Variants in SHISA6 observed in about 807,000 individuals in gnomAD.
SHISA6 encodes shisa family member 6, also known as protein shisa-6.
SHISA6 carries 22 observed loss-of-function variants against 47.9 expected under a neutral mutation model. That is an observed-to-expected ratio of 0.46 (90% CI 0.33 to 0.66). The LOEUF (loss-of-function observed/expected upper bound fraction) is 0.66, where lower values mean the gene tolerates loss of function less well. Ranked by LOEUF, SHISA6 falls within the 30% of genes least tolerant of loss-of-function variation. The probability of loss-of-function intolerance (pLI) is 0.02; values close to 1 mark genes in which losing one functional copy is unlikely to be tolerated. For missense variants in SHISA6, 680 were observed against 764.6 expected, an observed-to-expected ratio of 0.89 and a Z score of 1.30; for synonymous variants, 388 against 337.8, an observed-to-expected ratio of 1.15 and a Z score of -1.63.
At chr17:11,297,761 T>A (rs185990665) in intron 2 of SHISA6, among the ~76,000 whole-genome samples, 3 of 152,310 alleles carry the variant, frequency 2.0e-5, no homozygotes, top group Non-Finnish European at 4.4e-5. Flanking sequence ...AGTGTAGCAG[T>A]ATCTTGTGGT....
At chr17:11,465,451 G>A (rs1915786521) in intron 3 of SHISA6, among the ~76,000 whole-genome samples, 1 of 152,058 alleles carries the variant, frequency 6.6e-6, no homozygotes, top group African/African-American at 2.4e-5. Flanking sequence ...CTGCTGGTCT[G>A]GAGTGCAGTG....
At chr17:11,372,245 T>C (rs1233693375) in intron 2 of SHISA6, among the ~76,000 whole-genome samples, 1 of 152,166 alleles carries the variant, frequency 6.6e-6, no homozygotes, top group African/African-American at 2.4e-5. Context: ...TCTAGCCTGG[T>C]TGAGATATTA....
At chr17:11,271,489 G>C (rs1032029244) in intron 2 of SHISA6, among the ~76,000 whole-genome samples, 1 of 152,014 alleles carries the variant, frequency 6.6e-6, no homozygotes, top group African/African-American at 2.4e-5. Context: ...CCAGGCTGGA[G>C]TGCAGTGGCG....
At chr17:11,318,742 G>A (rs1910606301) in intron 2 of SHISA6, among the ~76,000 whole-genome samples, 1 of 152,132 alleles carries the variant, frequency 6.6e-6, no homozygotes, top group Non-Finnish European at 1.5e-5. Flanking sequence ...CTTCACATTT[G>A]ATAAACGTTT....
At chr17:11,422,970 G>C (rs887273494) in intron 3 of SHISA6, among the ~76,000 whole-genome samples, 10 of 139,226 alleles carry the variant, frequency 7.2e-5, no homozygotes, top group African/African-American at 2.7e-4. Flanking sequence ...ACAGTCACTA[G>C]AAAGAAGGGG....
chr17:11,467,763 T>A (rs989550290), intron 3 of SHISA6, among the ~76,000 whole-genome samples: 1 of 152,190 alleles, frequency 6.6e-6, no homozygotes, highest in Non-Finnish European at 1.5e-5. Context: ...TCTGAGAGTT[T>A]AGCACAGCCA....
chr17:11,444,920 A>G (rs1915190670), intron 3 of SHISA6, among the ~76,000 whole-genome samples: 1 of 152,196 alleles, frequency 6.6e-6, no homozygotes, highest in Admixed American at 6.5e-5. Flanking sequence ...CACAGAGGAG[A>G]TCACAATTTT....
intron 3 of SHISA6, among the ~76,000 whole-genome samples, chr17:11,395,431 T>G (rs1237961599): frequency 6.6e-6 from 1 of 152,128 alleles, no homozygotes; most frequent in African/African-American, 2.4e-5. Flanking sequence ...TTCTGCTACC[T>G]TACTGATTTC....
intron 3 of SHISA6, among the ~76,000 whole-genome samples, chr17:11,471,588 C>G (rs62062118): frequency 0.065 from 9,929 of 152,290 alleles, 396 homozygotes; most frequent in Non-Finnish European, 0.089. Context: ...TTGCTGACCT[C>G]TCAATTTGAA....
At chr17:11,383,991 C>T (rs1207373038) in intron 3 of SHISA6, among the ~76,000 whole-genome samples, 1 of 151,912 alleles carries the variant, frequency 6.6e-6, no homozygotes, top group Non-Finnish European at 1.5e-5. Flanking sequence ...TGAGCATTTA[C>T]TATGTACCAG....
intron 1 of SHISA6, among the ~76,000 whole-genome samples, chr17:11,259,174 G>A (rs1908133332): frequency 6.6e-6 from 1 of 151,916 alleles, no homozygotes; most frequent in African/African-American, 2.4e-5. Flanking sequence ...AATGGAGGGA[G>A]GGAGAGATGG....
intron 3 of SHISA6, among the ~76,000 whole-genome samples, chr17:11,538,148 C>T (rs1277051081): frequency 1.3e-5 from 2 of 152,138 alleles, no homozygotes; most frequent in Admixed American, 6.5e-5. Flanking sequence ...ACTGCAACTT[C>T]TGCCTCTTGG....
intron 2 of SHISA6, among the ~76,000 whole-genome samples, chr17:11,362,985 G>A (rs996345744): frequency 3.3e-5 from 5 of 152,108 alleles, no homozygotes; most frequent in Non-Finnish European, 7.4e-5. Flanking sequence ...ATGTCTTCAG[G>A]CCCACTGCTG....
intron 3 of SHISA6, among the ~76,000 whole-genome samples, chr17:11,529,050 G>A (rs1017676619): frequency 5.9e-5 from 9 of 151,756 alleles, no homozygotes; most frequent in Middle Eastern, 3.2e-3. Flanking sequence ...AAAATTAGCC[G>A]GACATGGTGG....
At chr17:11,418,260 A>C (rs1266083186) in intron 3 of SHISA6, among the ~76,000 whole-genome samples, 1 of 152,124 alleles carries the variant, frequency 6.6e-6, no homozygotes, top group Non-Finnish European at 1.5e-5. Context: ...TCCCATCTCT[A>C]CTTGGCTGGA....
At chr17:11,546,423 A>G (rs558727745) in intron 3 of SHISA6, among the ~76,000 whole-genome samples, 7 of 152,358 alleles carry the variant, frequency 4.6e-5, no homozygotes, top group African/African-American at 1.7e-4. Flanking sequence ...CCTTTTAGCT[A>G]ATTGGACAAC....
chr17:11,341,126 A>G (rs953499730), intron 2 of SHISA6, among the ~76,000 whole-genome samples: 1 of 152,042 alleles, frequency 6.6e-6, no homozygotes, highest in African/African-American at 2.4e-5. Flanking sequence ...CCACTCTCAT[A>G]TTGGTTACAG....
intron 3 of SHISA6, among the ~76,000 whole-genome samples, chr17:11,504,238 T>C (rs1016025606): frequency 2.0e-5 from 3 of 152,324 alleles, no homozygotes; most frequent in African/African-American, 7.2e-5. Context: ...CAGAGTGTCC[T>C]GTGTGAAATC....
rs543840544 is a variant in SHISA6, at chr17:11,332,131, C to A, written c.800-47283C>A. Among the ~76,000 whole-genome samples the A allele has an allele frequency of 1.8e-4, 26 of 146,976 alleles. No homozygotes were observed. The South Asian group carries it at 5.6e-3, about 32-fold the overall frequency. ...CCACAGGAGTTATGGATTCAATTAT[C>A]CAAGCACCACCATCCTCCCCCACCT... On this transcript the variant is annotated intron_variant, in intron 2 of 5. Transcript: ENST00000441885.
Sources: allele counts gnomAD v4.1 joint callset (sites outside exome capture counted in the v4.1 genomes callset), GRCh38; gene constraint gnomAD v4.1.1; transcripts MANE v1.5; gene names NCBI Gene and HGNC (gene_info 2026-07-23, HGNC 2026-07-21).